Variants in SLC43A2 observed in about 807,000 individuals in gnomAD.
The protein encoded by SLC43A2 is large neutral amino acids transporter small subunit 4.
Under a neutral mutation model 63.2 loss-of-function variants are expected in SLC43A2, and 38 were observed. The observed-to-expected ratio is 0.60, with a 90% CI of 0.46 to 0.79. The LOEUF (loss-of-function observed/expected upper bound fraction) is 0.79, where lower values mean the gene tolerates loss of function less well. Among genes scored for constraint, SLC43A2 ranks in the 30% least tolerant of loss-of-function variants. SLC43A2 has a pLI of 0.00. For missense variants in SLC43A2, 644 were observed against 756.2 expected (o/e 0.85, Z 1.74); for synonymous variants, 322 against 331.0 (o/e 0.97, Z 0.30).
chr17:1,615,136 C>CT, intron 3 of SLC43A2, 102 bp from the exon 4 acceptor site: 1 of 1,369,314 alleles, frequency 7.3e-7, no homozygotes, highest in Non-Finnish European at 1.0e-6. Context: ...GAGACAGAGC[C>CT]TTGCTCTGTC....
chr17:1,614,909 T>A lies in SLC43A2; in HGVS notation c.424+70A>T, dbSNP rs1054635841. On this transcript the variant is annotated intron_variant, in intron 4 of 13. Coordinates refer to ENST00000301335, the MANE Select transcript of SLC43A2 (RefSeq NM_152346.3). ...GCCCAGGACAGTGTCCAAGAGCAGG[T>A]GGGCCTGGGAGCAGCTCAGGGCACT... 2.0e-6 allele frequency: 3 copies of A among 1,515,986 alleles called. No homozygotes were observed. In the South Asian group the frequency reaches 3.4e-5, roughly 17 times the overall value. The allele number at this position is 1,515,986 out of a possible 1,614,324, so 93.9% of individuals were successfully genotyped here. A position where few individuals can be genotyped will look rare whatever the true frequency, so the allele number is the denominator to read the frequency against.
intron 5 of SLC43A2, among the ~76,000 whole-genome samples, chr17:1,594,779 G>GA (rs1432832183): frequency 6.6e-6 from 1 of 151,526 alleles, no homozygotes; most frequent in Non-Finnish European, 1.5e-5. Flanking sequence ...CAGTAGAGAC[G>GA]GGGTTTCACC....
intron 5 of SLC43A2, chr17:1,604,555 T>A: frequency 4.5e-6 from 3 of 660,330 alleles, no homozygotes; most frequent in Non-Finnish European, 7.7e-6. Context: ...ATGCTGAACT[T>A]AGTGTAGACA....
chr17:1,600,152 A>ATATTTTT (rs1216616243), intron 5 of SLC43A2, among the ~76,000 whole-genome samples: 1 of 60,272 alleles, frequency 1.7e-5, no homozygotes, highest in Non-Finnish European at 3.2e-5. Flanking sequence ...ATATATATAT[A>ATATTTTT]TTTTTTTTTT....
At chr17:1,604,755 T>C in intron 5 of SLC43A2, 1 of 1,535,804 alleles carries the variant, frequency 6.5e-7, no homozygotes, top group South Asian at 1.2e-5. Flanking sequence ...GCTGTTGCCT[T>C]CGGCTGACCT....
Position 1,586,449 on chromosome 17 carries a change from C to A in SLC43A2, c.1079-398G>T, listed in dbSNP as rs567779067. On this transcript the variant is annotated intron_variant, in intron 9 of 13. Coordinates refer to ENST00000301335, the MANE Select transcript of SLC43A2 (RefSeq NM_152346.3). ...CGGTGGCTCATGCCTGTAATCCCAG[C>A]ACTTTGGGAGCCCGAGGTGGGCGGA... is the stretch of plus-strand genomic sequence containing the variant. Among the ~76,000 whole-genome samples, 148 of 152,256 alleles carry A rather than the reference C, an allele frequency of 9.7e-4. 1 individual carries two copies. The highest frequency in any genetic ancestry group is 3.5e-3 in the African/African-American group (145 of 41,564).
rs139624886 is a variant in SLC43A2, at chr17:1,601,861, C to G, written c.502-8582G>C. Among the ~76,000 whole-genome samples, 11 of 146,184 alleles carry G rather than the reference C, an allele frequency of 7.5e-5. No individual in the cohort carries two copies. The Admixed American group carries it at 7.6e-4, about 10-fold the overall frequency. On this transcript the variant is annotated intron_variant, in intron 5 of 13. Transcript: ENST00000301335. ...TGAGCCAGAGTCCTTCTGCACCGCC[C>G]TCCCGAAGGTCCAAACTGATGCAAA... is the stretch of plus-strand genomic sequence containing the variant.
chr17:1,604,779 C>T (rs1490026446), intron 5 of SLC43A2: 4 of 1,535,692 alleles, frequency 2.6e-6, no homozygotes, highest in Non-Finnish European at 3.5e-6. Flanking sequence ...CATGGTCCAG[C>T]GCCACAGCAT....
intron 5 of SLC43A2, among the ~76,000 whole-genome samples, chr17:1,599,048 C>T (rs954611161): frequency 6.6e-6 from 1 of 152,188 alleles, no homozygotes; most frequent in African/African-American, 2.4e-5. Context: ...TGATCTTTTC[C>T]TTAGAACGGC....
chr17:1,594,752 TA>T (rs1217731111), intron 5 of SLC43A2, among the ~76,000 whole-genome samples: 5 of 151,476 alleles, frequency 3.3e-5, no homozygotes, highest in African/African-American at 7.3e-5. Context: ...CACACCCGGC[TA>T]ATTTTTTTGT....
rs192141130 is a variant in SLC43A2 at position 1,584,041 on chromosome 17, A to G, written c.1218-705T>C. On this transcript the variant is annotated intron_variant, in intron 10 of 13. Transcript: ENST00000301335. ...CTCCCGAGTAGCTGGGACTACAGGC[A>G]CGCGCCACCTTACCCGGCTAATTTT... Among the ~76,000 whole-genome samples, 218 of 151,964 alleles carry G rather than the reference A, an allele frequency of 1.4e-3. 1 individual carries two copies. Among genetic ancestry groups the G allele is most frequent in the Non-Finnish European group, 2.4e-3 (165 of 67,938 alleles).
At position 1,575,353 on chromosome 17, in the gene SLC43A2, GC is replaced by G; in HGVS notation, c.*250del. ...GCTGCAGGCACCACAGAGACCCCAG[GC>G]CCCGGGTCCCCGGGGGGCGGCAGAG... On this transcript the variant is annotated 3_prime_UTR_variant, in exon 14 of 14. Coordinates refer to ENST00000301335, the MANE Select transcript of SLC43A2 (RefSeq NM_152346.3). The G allele has an allele frequency of 1.8e-6, 1 of 554,778 alleles. No homozygotes were observed. The highest frequency in any genetic ancestry group is 3.3e-5 in the East Asian group (1 of 30,414). 34.4% of individuals were successfully genotyped at this position (554,778 alleles called of 1,614,324 possible). A position where few individuals can be genotyped will look rare whatever the true frequency, so the allele number is the denominator to read the frequency against.
intron 9 of SLC43A2, among the ~76,000 whole-genome samples, chr17:1,587,870 C>A (rs1050257130): frequency 2.6e-5 from 4 of 152,324 alleles, no homozygotes; most frequent in East Asian, 3.9e-4. Flanking sequence ...GCAGGGGGCA[C>A]CCGACCCATC....
chr17:1,583,175 C>T lies in SLC43A2; in HGVS notation c.1350+29G>A, dbSNP rs758815449. 1.9e-6 allele frequency: 3 copies of T among 1,607,624 alleles called. No individual in the cohort carries two copies. The highest frequency in any genetic ancestry group is 2.6e-6 in the Non-Finnish European group (3 of 1,174,518). On this transcript the variant is annotated intron_variant, in intron 11 of 13. Coordinates refer to ENST00000301335, the MANE Select transcript of SLC43A2 (RefSeq NM_152346.3). This position sits in a 1 kb window ranked among gnomAD's most constrained non-coding sequence, Gnocchi z 5.5. ...TGTTCCTTCTGACTGCCCCACCTCC[C>T]ACCTGCCCCTCCCACTCCCCACACC...
At position 1,627,906 on chromosome 17, in the gene SLC43A2, C is replaced by A. The variant is rs1342052817; in HGVS notation, c.-32G>T. ...GCGCGGCGCGGCTCCGGCTCCGGCT[C>A]CGGCTCTGCACCACCTGCGCACAGA... On this transcript the variant is annotated 5_prime_UTR_variant, in exon 2 of 14. Coordinates refer to ENST00000301335, the MANE Select transcript of SLC43A2 (RefSeq NM_152346.3). 2.0e-5 allele frequency: 30 copies of A among 1,530,074 alleles called. No homozygotes were observed. Among genetic ancestry groups the A allele is most frequent in the Non-Finnish European group, 2.5e-5 (28 of 1,138,896 alleles). 94.8% of individuals were successfully genotyped at this position (1,530,074 alleles called of 1,614,324 possible).
intron 12 of SLC43A2, 76 bp from the exon 13 acceptor site, chr17:1,576,796 G>T: frequency 1.3e-6 from 2 of 1,547,354 alleles, no homozygotes; most frequent in Non-Finnish European, 1.7e-6. Flanking sequence ...GTGACCCCGG[G>T]CTGCACCGTT....
chr17:1,593,144 G>T lies in SLC43A2; in HGVS notation c.594+43C>A. 1 of 1,574,920 alleles carries T rather than the reference G, an allele frequency of 6.3e-7. No homozygotes were observed. Among genetic ancestry groups the T allele is most frequent in the Non-Finnish European group, 8.7e-7 (1 of 1,150,486 alleles). On this transcript the variant is annotated intron_variant, in intron 6 of 13. Coordinates refer to ENST00000301335, the MANE Select transcript of SLC43A2 (RefSeq NM_152346.3). The surrounding 1 kb of genome is among the most constrained non-coding windows in gnomAD (Gnocchi z 5.3). ...TCAGAGAGGGTGGAAGGAGCCTGGA[G>T]CAGGCCTCTGCACAGACACCAGTGC... is the stretch of plus-strand genomic sequence containing the variant.
chr17:1,606,874 C>T lies in SLC43A2; in HGVS notation c.501+6321G>A, dbSNP rs980798006. 1.3e-5 allele frequency among the ~76,000 whole-genome samples: 2 copies of T among 152,222 alleles called. No homozygotes were observed. The highest frequency in any genetic ancestry group is 6.5e-5 in the Admixed American group (1 of 15,288). ...ACTGGCTACTGGGCAGCCTACCTGA[C>T]GCGACAGCCACCCTTGCCCCTCGGA... On this transcript the variant is annotated intron_variant, in intron 5 of 13. Transcript: ENST00000301335. The surrounding 1 kb of genome is among the most constrained non-coding windows in gnomAD (Gnocchi z 4.7).
rs560498975 is a variant in SLC43A2 at position 1,604,526 on chromosome 17, C to T, written c.501+8669G>A. 15 of 604,544 alleles carry T rather than the reference C, an allele frequency of 2.5e-5. No homozygotes were observed. In the Admixed American group the frequency reaches 4.3e-4, roughly 17 times the overall value. The allele number at this position is 604,544 out of a possible 1,614,324, so 37.4% of individuals were successfully genotyped here. The stretch of plus-strand genomic sequence containing the variant: ...TAGGCAACCTGGGGGTCCCTCACCC[C>T]CCGGAGGTCACCACACTGATGCTGA... On this transcript the variant is annotated intron_variant, in intron 5 of 13. Transcript: ENST00000301335.
Sources: gnomAD v4.1 joint callset for allele counts (sites outside exome capture counted in the v4.1 genomes callset) on GRCh38, gnomAD v4.1.1 for gene constraint, Gnocchi (gnomAD v3.1) non-coding constraint, MANE v1.5 for transcripts, NCBI Gene and HGNC (gene_info 2026-07-23, HGNC 2026-07-21) for gene names.